Variants in VTA1 observed in about 807,000 individuals in gnomAD.
VTA1 encodes the protein vacuolar protein sorting-associated protein VTA1 homolog.
Under a neutral mutation model 36.9 loss-of-function variants are expected in VTA1, and 24 were observed. The ratio of observed to expected loss-of-function variants is 0.65; its 90% CI spans 0.47 to 0.91. The LOEUF is 0.91. Ranked by LOEUF, VTA1 falls within the 40% of genes least tolerant of loss-of-function variation. VTA1 has a pLI of 0.00. For missense variants in VTA1, 393 were observed against 377.2 expected, an observed-to-expected ratio of 1.04 and a Z score of -0.35; for synonymous variants, 142 against 130.2, an observed-to-expected ratio of 1.09 and a Z score of -0.62.
chr6:142,209,928 G>T (rs1362311561), intron 7 of VTA1, among the ~76,000 whole-genome samples: 1 of 152,032 alleles, frequency 6.6e-6, no homozygotes, highest in Non-Finnish European at 1.5e-5. Flanking sequence ...TAAGATTTAT[G>T]TAGAATGATA....
At chr6:142,149,124 G>T (rs552896153) in intron 1 of VTA1, among the ~76,000 whole-genome samples, 1 of 152,078 alleles carries the variant, frequency 6.6e-6, no homozygotes, top group Non-Finnish European at 1.5e-5. Flanking sequence ...CCCTAAAGTT[G>T]CAGCTCTGCT....
At chr6:142,168,789 C>CA in intron 2 of VTA1, among the ~76,000 whole-genome samples, 1 of 142,414 alleles carries the variant, frequency 7.0e-6, no homozygotes, top group South Asian at 2.2e-4. Context: ...TATTTTGAGA[C>CA]AGAGTCTCGC....
In VTA1 at chr6:142,181,455, T is replaced by TATATATA. The variant is rs1775236929; in HGVS notation, c.412-7971_412-7970insATATATA. 4.2e-4 allele frequency among the ~76,000 whole-genome samples: 60 copies of TATATATA among 143,660 alleles called. 1 individual carries two copies. In the South Asian group the frequency reaches 5.1e-3, roughly 12 times the overall value. 94.2% of individuals were successfully genotyped at this position (143,660 alleles called of 152,430 possible). On this transcript the variant is annotated intron_variant, in intron 4 of 7. Coordinates refer to ENST00000367630, the MANE Select transcript of VTA1 (RefSeq NM_016485.5). ...GCCTGACACACACACTTTTTATATT[T>TATATATA]TATATATATATATATATATGTATAT...
chr6:142,181,093 AAATATAT>A (rs1428685718), intron 4 of VTA1, among the ~76,000 whole-genome samples: 1 of 72,440 alleles, frequency 1.4e-5, no homozygotes, highest in Non-Finnish European at 2.6e-5. Context: ...AAAAAAAAAA[AAATATAT>A]ATATATATAT....
At position 142,223,604 on chromosome 6, in the gene VTA1, C is replaced by T. The variant is rs1179447229; in HGVS notation, c.*4961C>T. ...AAGACATAATTGCATAGCAGTATTCCATGAATATAACTTAATGGGGAACTG... is the reference window on the plus strand; with the variant it reads ...AAGACATAATTGCATAGCAGTATTCTATGAATATAACTTAATGGGGAACTG... On this transcript the variant is annotated 3_prime_UTR_variant, in exon 8 of 8. Coordinates refer to ENST00000367630, the MANE Select transcript of VTA1 (RefSeq NM_016485.5). The T allele has an allele frequency of 1.3e-5, 2 of 151,942 alleles. No individual in the cohort carries two copies. The highest frequency in any genetic ancestry group is 2.9e-5 in the Non-Finnish European group (2 of 67,988). The allele number at this position is 151,942 out of a possible 1,614,324, so 9.4% of individuals were successfully genotyped here. A position where few individuals can be genotyped will look rare whatever the true frequency, so the allele number is the denominator to read the frequency against.
Position 142,224,464 on chromosome 6 carries a change from T to A in VTA1, c.*5821T>A, listed in dbSNP as rs1198130628. ...AACAACAGTAACTTGACAAAATTAC[T>A]ATTGATCACTTAACTTTATGTATCA... is the stretch of plus-strand genomic sequence containing the variant. On this transcript the variant is annotated 3_prime_UTR_variant, in exon 8 of 8. Transcript: ENST00000367630. The A allele has an allele frequency of 1.3e-5, 2 of 152,232 alleles. No individual in the cohort carries two copies. Among genetic ancestry groups the A allele is most frequent in the African/African-American group, 4.8e-5 (2 of 41,464 alleles). 9.4% of individuals were successfully genotyped at this position (152,232 alleles called of 1,614,324 possible). A position where few individuals can be genotyped will look rare whatever the true frequency, so the allele number is the denominator to read the frequency against.
chr6:142,216,089 C>A (rs1053561083), intron 7 of VTA1, among the ~76,000 whole-genome samples: 1 of 151,998 alleles, frequency 6.6e-6, no homozygotes, highest in Non-Finnish European at 1.5e-5. Flanking sequence ...TGCACCCTCT[C>A]TTGTTCTGAT....
chr6:142,175,224 GTTC>G (rs1775097153), intron 4 of VTA1, among the ~76,000 whole-genome samples: 1 of 151,600 alleles, frequency 6.6e-6, no homozygotes, highest in African/African-American at 2.4e-5. Flanking sequence ...CCTGCAGTTC[GTTC>G]TTCTGTCATT....
chr6:142,217,411 A>G (rs1241639717), intron 7 of VTA1, among the ~76,000 whole-genome samples: 3 of 152,100 alleles, frequency 2.0e-5, no homozygotes, highest in Non-Finnish European at 4.4e-5. Context: ...AGTAGCATCA[A>G]TTGTTTCAGT....
At chr6:142,200,937 T>C (rs930619952) in intron 6 of VTA1, among the ~76,000 whole-genome samples, 34 of 152,124 alleles carry the variant, frequency 2.2e-4, no homozygotes, top group African/African-American at 8.2e-4. Context: ...TATGTATTAC[T>C]GTCTTTAACT....
chr6:142,214,893 A>G (rs543411345), intron 7 of VTA1, among the ~76,000 whole-genome samples: 4 of 152,318 alleles, frequency 2.6e-5, no homozygotes, highest in African/African-American at 9.6e-5. Context: ...AACCACTGTC[A>G]CTACCATTAC....
chr6:142,197,551 T>G (rs180735418), intron 5 of VTA1, among the ~76,000 whole-genome samples: 1 of 152,180 alleles, frequency 6.6e-6, no homozygotes, highest in African/African-American at 2.4e-5. Context: ...CTTTTCAAAA[T>G]GAAATATCTC....
chr6:142,212,191 T>C (rs374626283), intron 7 of VTA1, among the ~76,000 whole-genome samples: 1 of 152,014 alleles, frequency 6.6e-6, no homozygotes, highest in Non-Finnish European at 1.5e-5. Flanking sequence ...TTAAAACATA[T>C]ATTCATATGA....
In VTA1 at chr6:142,181,078, G is replaced by GAAA. The variant is rs1162412059; in HGVS notation, c.412-8333_412-8331dup. Among the ~76,000 whole-genome samples, 323 of 51,206 alleles carry GAAA rather than the reference G, an allele frequency of 6.3e-3. 5 individuals carry two copies. Among genetic ancestry groups the GAAA allele is most frequent in the East Asian group, 0.024 (30 of 1,264 alleles). 33.6% of individuals were successfully genotyped at this position (51,206 alleles called of 152,430 possible). ...CTTCAATTTACTCTTAAATGGTACA[G>GAAA]AAAAAAAAAAAAAAAAATATATATA... On this transcript the variant is annotated intron_variant, in intron 4 of 7. Transcript: ENST00000367630.
At chr6:142,184,009 T>C (rs968109269) in intron 4 of VTA1, among the ~76,000 whole-genome samples, 2 of 152,202 alleles carry the variant, frequency 1.3e-5, no homozygotes, top group African/African-American at 2.4e-5. Flanking sequence ...ACTTTTCTAC[T>C]AAGTCTTTAG....
chr6:142,147,462 C>T, intron 1 of VTA1, 63 bp downstream of exon 1: 1 of 1,496,320 alleles, frequency 6.7e-7, no homozygotes, highest in African/African-American at 1.4e-5. Flanking sequence ...CCACACACCT[C>T]CCTGAGGTTC....
intron 4 of VTA1, among the ~76,000 whole-genome samples, chr6:142,183,661 C>CA (rs1775287405): frequency 6.6e-6 from 1 of 152,084 alleles, no homozygotes; most frequent in African/African-American, 2.4e-5. Context: ...TAATGAATTT[C>CA]AAAAATACAT....
intron 5 of VTA1, among the ~76,000 whole-genome samples, chr6:142,190,720 G>A (rs184429303): frequency 2.6e-5 from 4 of 152,278 alleles, no homozygotes; most frequent in Admixed American, 6.5e-5. Context: ...ATTATCCAAT[G>A]CAGGCATCAG....
chr6:142,187,185 G>C (rs2114662500), intron 4 of VTA1, among the ~76,000 whole-genome samples: 1 of 152,170 alleles, frequency 6.6e-6, no homozygotes, highest in South Asian at 2.1e-4. Flanking sequence ...TCTGTCCTAG[G>C]ACAGAGTATT....
Sources: allele counts gnomAD v4.1 joint callset (sites outside exome capture counted in the v4.1 genomes callset), GRCh38; gene constraint gnomAD v4.1.1; transcripts MANE v1.5; gene names NCBI Gene and HGNC (gene_info 2026-07-23, HGNC 2026-07-21).